The following VWC2L variants were observed in gnomAD, a reference collection of about 807,000 sequenced individuals.
The protein encoded by VWC2L is von Willebrand factor C domain containing 2 like.
A neutral mutation model predicts 21.6 loss-of-function variants in VWC2L; 10 were observed. That is an observed-to-expected ratio of 0.46 (90% CI 0.29 to 0.78). The LOEUF (loss-of-function observed/expected upper bound fraction) is 0.78. Ranked by LOEUF, VWC2L falls within the 30% of genes least tolerant of loss-of-function variation. VWC2L has a pLI of 0.10. For missense variants in VWC2L, 209 were observed against 277.1 expected, an observed-to-expected ratio of 0.75 and a Z score of 1.74; for synonymous variants, 96 against 94.3, an observed-to-expected ratio of 1.02 and a Z score of -0.10.
chr2:214,525,354 G>T (rs780661563), intron 3 of VWC2L: 15 of 152,048 alleles, frequency 9.9e-5, no homozygotes, highest in Non-Finnish European at 1.9e-4. Context: ...AAGCAACTCG[G>T]TAACAGAGTA....
intron 3 of VWC2L, among the ~76,000 whole-genome samples, chr2:214,437,645 T>C (rs1424845316): frequency 6.6e-6 from 1 of 152,162 alleles, no homozygotes; most frequent in Non-Finnish European, 1.5e-5. Context: ...TCCTATGCCT[T>C]TTCTTGAGTT....
At chr2:214,536,191 A>AT (rs1056703548) in intron 3 of VWC2L, among the ~76,000 whole-genome samples, 7 of 151,912 alleles carry the variant, frequency 4.6e-5, no homozygotes, top group African/African-American at 1.5e-4. Context: ...TAAAGATTTG[A>AT]TTTTTTTTCT....
chr2:214,437,226 C>T (rs1309341841), intron 3 of VWC2L, among the ~76,000 whole-genome samples: 1 of 152,090 alleles, frequency 6.6e-6, no homozygotes, highest in Non-Finnish European at 1.5e-5. Context: ...ATAAAATTAG[C>T]ATTGCACTTA....
intron 3 of VWC2L, among the ~76,000 whole-genome samples, chr2:214,528,971 C>A (rs1689388159): frequency 6.6e-6 from 1 of 152,128 alleles, no homozygotes; most frequent in Non-Finnish European, 1.5e-5. Context: ...TTTTCACCTA[C>A]AAAAATAGCC....
At chr2:214,441,085 C>G (rs1007444853) in intron 3 of VWC2L, among the ~76,000 whole-genome samples, 2 of 152,120 alleles carry the variant, frequency 1.3e-5, no homozygotes, top group Non-Finnish European at 2.9e-5. Context: ...AATTCTATGT[C>G]CCTCACTCTC....
At chr2:214,419,963 G>A (rs1161981478) in intron 2 of VWC2L, among the ~76,000 whole-genome samples, 1 of 152,186 alleles carries the variant, frequency 6.6e-6, no homozygotes, top group Non-Finnish European at 1.5e-5. Context: ...GGAGGCTGAG[G>A]CAGGAGAATC....
intron 3 of VWC2L, among the ~76,000 whole-genome samples, chr2:214,458,199 G>A (rs1202672303): frequency 2.0e-5 from 3 of 151,808 alleles, no homozygotes; most frequent in East Asian, 1.9e-4. Flanking sequence ...TCCATTGCCC[G>A]TAGGTTTGCA....
chr2:214,480,071 ATTAT>A (rs780491007), intron 3 of VWC2L, among the ~76,000 whole-genome samples: 8 of 152,172 alleles, frequency 5.3e-5, no homozygotes, highest in Non-Finnish European at 1.2e-4. Flanking sequence ...TAATATAGAG[ATTAT>A]TTAAAGTATA....
chr2:214,544,247 T>C (rs1689671045), intron 3 of VWC2L, among the ~76,000 whole-genome samples: 1 of 152,192 alleles, frequency 6.6e-6, no homozygotes, highest in African/African-American at 2.4e-5. Flanking sequence ...GGCATTTATC[T>C]GTACAGGTAT....
intron 3 of VWC2L, among the ~76,000 whole-genome samples, chr2:214,450,074 C>A (rs757292309): frequency 1.6e-4 from 24 of 152,098 alleles, no homozygotes; most frequent in Non-Finnish European, 2.8e-4. Context: ...GGGCACTGGG[C>A]ACTGATTCAT....
chr2:214,460,712 A>T (rs1003396831), intron 3 of VWC2L, among the ~76,000 whole-genome samples: 3 of 152,066 alleles, frequency 2.0e-5, no homozygotes, highest in Non-Finnish European at 4.4e-5. Context: ...GTTCTCTTGC[A>T]TCTCGCTGAA....
At chr2:214,542,526 A>T (rs1056469617) in intron 3 of VWC2L, among the ~76,000 whole-genome samples, 10 of 152,346 alleles carry the variant, frequency 6.6e-5, no homozygotes, top group Middle Eastern at 3.4e-3. Flanking sequence ...ATAAATGTGC[A>T]GTTAATGCAA....
At chr2:214,443,185 C>G (rs192111811) in intron 3 of VWC2L, among the ~76,000 whole-genome samples, 4 of 152,080 alleles carry the variant, frequency 2.6e-5, no homozygotes, top group African/African-American at 7.2e-5. Context: ...TGGAGACCAG[C>G]CTGGCCAGCA....
At chr2:214,562,177 G>A (rs537035593) in intron 3 of VWC2L, among the ~76,000 whole-genome samples, 51 of 151,814 alleles carry the variant, frequency 3.4e-4, no homozygotes, top group African/African-American at 1.1e-3. Context: ...ACAGGCCCCA[G>A]TGTGTGTTGT....
Position 214,533,687 on chromosome 2 carries a change from C to A in VWC2L, c.521-41985C>A, listed in dbSNP as rs57780095. Reference sequence around the variant, plus strand: ...CCCAAGAGTAAAACCACATGGAATTCTCTGATTTAAGGAATTTCCCTAGTC... The same window carrying A: ...CCCAAGAGTAAAACCACATGGAATTATCTGATTTAAGGAATTTCCCTAGTC... On this transcript the variant is annotated intron_variant, in intron 3 of 3. Coordinates refer to ENST00000312504, the MANE Select transcript of VWC2L (RefSeq NM_001080500.4). 3.7e-3 allele frequency among the ~76,000 whole-genome samples: 558 copies of A among 152,036 alleles called. 6 individuals carry two copies. The highest frequency in any genetic ancestry group is 0.013 in the African/African-American group (544 of 41,510).
intron 2 of VWC2L, among the ~76,000 whole-genome samples, chr2:214,418,833 T>C (rs780244246): frequency 8.5e-5 from 13 of 152,156 alleles, no homozygotes; most frequent in Non-Finnish European, 1.5e-4. Context: ...ATGGCACACA[T>C]TGTTCTCTTA....
chr2:214,493,097 A>C (rs974982950), intron 3 of VWC2L, among the ~76,000 whole-genome samples: 2 of 152,228 alleles, frequency 1.3e-5, no homozygotes, highest in Non-Finnish European at 2.9e-5. Flanking sequence ...GCATATGTGA[A>C]TCTGTCAAAC....
At chr2:214,432,763 T>C (rs1425547350) in intron 2 of VWC2L, among the ~76,000 whole-genome samples, 1 of 152,142 alleles carries the variant, frequency 6.6e-6, no homozygotes, top group Admixed American at 6.5e-5. Flanking sequence ...GGCTCACACC[T>C]ATAGTCCTAG....
chr2:214,421,047 C>T (rs1007389320), intron 2 of VWC2L, among the ~76,000 whole-genome samples: 1 of 152,076 alleles, frequency 6.6e-6, no homozygotes, highest in Non-Finnish European at 1.5e-5. Flanking sequence ...AACTGGGGAA[C>T]CTTTACGTAA....
Sources: allele counts gnomAD v4.1 joint callset (sites outside exome capture counted in the v4.1 genomes callset), GRCh38; gene constraint gnomAD v4.1.1; transcripts MANE v1.5; gene names NCBI Gene and HGNC (gene_info 2026-07-23, HGNC 2026-07-21).